TENM1: variants seen among roughly 807,000 people sequenced by gnomAD.
The protein encoded by TENM1 is teneurin-1.
TENM1 carries 35 observed loss-of-function variants against 174.8 expected under a neutral mutation model. The observed-to-expected ratio is 0.20, with a 90% CI of 0.15 to 0.27. The LOEUF (loss-of-function observed/expected upper bound fraction) is 0.27, where lower values mean the gene tolerates loss of function less well. Among genes scored for constraint, TENM1 ranks in the 10% least tolerant of loss-of-function variants. The pLI is 1.00. For missense variants in TENM1, 1,633 were observed against 2,130.1 expected (o/e 0.77, Z 4.59); for synonymous variants, 781 against 798.7 (o/e 0.98, Z 0.37).
the TENM1 span, among the ~76,000 whole-genome samples, chrX:125,072,298 T>A: frequency 9.0e-6 from 1 of 111,544 alleles, no homozygotes; most frequent in Non-Finnish European, 1.9e-5. Context: ...TTATTTTATA[T>A]CCTTGCTACT....
chrX:124,438,147 A>C (rs369494992), intron 23 of TENM1, among the ~76,000 whole-genome samples: 1 of 111,463 alleles, frequency 9.0e-6, no homozygotes, highest in African/African-American at 3.3e-5. Flanking sequence ...ATTTACTTCT[A>C]GAACTCCTGG....
intron 3 of TENM1, among the ~76,000 whole-genome samples, chrX:124,742,608 C>T (rs777706515): frequency 8.1e-4 from 89 of 110,285 alleles, no homozygotes; most frequent in Non-Finnish European, 1.4e-3. Context: ...GGGTGCTGGC[C>T]CATACCTCAC....
the TENM1 span, among the ~76,000 whole-genome samples, chrX:125,114,991 A>G: frequency 8.9e-6 from 1 of 112,113 alleles, no homozygotes; most frequent in South Asian, 3.7e-4. Context: ...AAAATCCTCA[A>G]TAAAATACTG....
intron 3 of TENM1, among the ~76,000 whole-genome samples, chrX:124,749,165 C>T (rs2054005148): frequency 1.8e-5 from 2 of 111,043 alleles, no homozygotes; most frequent in African/African-American, 6.6e-5. Context: ...CAGTTGACAC[C>T]TTTCTTTTCC....
intron 3 of TENM1, among the ~76,000 whole-genome samples, chrX:124,800,971 T>C (rs1000477929): frequency 2.7e-5 from 3 of 111,759 alleles, no homozygotes; most frequent in Non-Finnish European, 5.7e-5. Flanking sequence ...GAGACTGTTA[T>C]GATTTCAGTT....
chrX:124,547,630 G>T (rs1358054611), intron 14 of TENM1, among the ~76,000 whole-genome samples: 1 of 111,831 alleles, frequency 8.9e-6, no homozygotes, highest in African/African-American at 3.2e-5. Flanking sequence ...TTTCAAATCT[G>T]TTGTCAATTA....
At chrX:124,827,903 A>C (rs1276206767) in intron 3 of TENM1, among the ~76,000 whole-genome samples, 1 of 112,060 alleles carries the variant, frequency 8.9e-6, no homozygotes, top group African/African-American at 3.2e-5. Flanking sequence ...AGGCTTAAAG[A>C]ATAAATAAAA....
At chrX:124,527,257 T>A (rs1300289471) in intron 16 of TENM1, among the ~76,000 whole-genome samples, 1 of 111,927 alleles carries the variant, frequency 8.9e-6, no homozygotes, top group Non-Finnish European at 1.9e-5. Flanking sequence ...TGTGAGTATC[T>A]AATCTCTTCA....
chrX:124,680,216 C>T (rs1432925055), intron 5 of TENM1, among the ~76,000 whole-genome samples: 1 of 110,844 alleles, frequency 9.0e-6, no homozygotes, highest in African/African-American at 3.3e-5. Context: ...TGTTTGAATC[C>T]CTACTTTTCC....
intron 5 of TENM1, among the ~76,000 whole-genome samples, chrX:124,674,796 A>G (rs1449299620): frequency 9.0e-6 from 1 of 111,363 alleles, no homozygotes; most frequent in African/African-American, 3.3e-5. Flanking sequence ...CCTCCCAAAT[A>G]ATTTGAATAT....
chrX:124,984,761 T>C, the TENM1 span, among the ~76,000 whole-genome samples: 4 of 112,340 alleles, frequency 3.6e-5, no homozygotes, highest in East Asian at 1.1e-3. Flanking sequence ...GTTATATCAC[T>C]GGTAGCTGGA....
intron 1 of TENM1, among the ~76,000 whole-genome samples, chrX:124,909,890 C>A (rs994053039): frequency 1.8e-5 from 2 of 111,960 alleles, no homozygotes; most frequent in African/African-American, 6.5e-5. Context: ...TGTTATCACC[C>A]AACTAGAGGA....
intron 1 of TENM1, among the ~76,000 whole-genome samples, chrX:124,941,928 A>G (rs1231204464): frequency 8.9e-6 from 1 of 111,795 alleles, no homozygotes; most frequent in African/African-American, 3.3e-5. Flanking sequence ...AAAGAGAATG[A>G]GAGCCAAGTG....
chrX:124,943,257 G>A (rs941344233), intron 1 of TENM1, among the ~76,000 whole-genome samples: 6 of 111,105 alleles, frequency 5.4e-5, no homozygotes, highest in African/African-American at 2.0e-4. Flanking sequence ...CAATCCAAAA[G>A]GGGGCAAATG....
intron 22 of TENM1, among the ~76,000 whole-genome samples, chrX:124,456,112 C>A (rs986697677): frequency 8.9e-6 from 1 of 111,963 alleles, no homozygotes; most frequent in African/African-American, 3.2e-5. Context: ...GTTCCACAGA[C>A]GAGTGCCCTT....
chrX:124,433,678 T>A (rs987880937), intron 23 of TENM1, among the ~76,000 whole-genome samples: 7 of 112,298 alleles, frequency 6.2e-5, no homozygotes, highest in Non-Finnish European at 3.8e-5. Flanking sequence ...TGAAAGCATT[T>A]AAAAAAATTA....
At chrX:124,882,473 A>G (rs57311880) in intron 3 of TENM1, among the ~76,000 whole-genome samples, 2,664 of 111,791 alleles carry the variant, frequency 0.024, 77 homozygotes, top group African/African-American at 0.082. Context: ...AACTATTAAC[A>G]TATGTAGTCT....
chrX:124,385,639 G>T (rs752529304), intron 29 of TENM1, 38 bp downstream of exon 32: 66 of 1,140,474 alleles, frequency 5.8e-5, no homozygotes, highest in Non-Finnish European at 7.6e-5. Context: ...AGAAAATAGT[G>T]ATGTTGTTGT....
chrX:124,784,412 T>C (rs2054988996), intron 3 of TENM1, among the ~76,000 whole-genome samples: 1 of 111,497 alleles, frequency 9.0e-6, no homozygotes, highest in Non-Finnish European at 1.9e-5. Context: ...GTATTTGAAA[T>C]AAAAAGTGAG....
Sources: gnomAD v4.1 joint callset for allele counts (sites outside exome capture counted in the v4.1 genomes callset) on GRCh38, gnomAD v4.1.1 for gene constraint, MANE v1.5 for transcripts, NCBI Gene and HGNC (gene_info 2026-07-23, HGNC 2026-07-21) for gene names.